ODF2: variants seen among roughly 807,000 people sequenced by gnomAD.
ODF2 encodes the protein outer dense fiber of sperm tails 2.
ODF2 carries 47 observed loss-of-function variants against 110.2 expected under a neutral mutation model. The observed-to-expected ratio is 0.43, with a 90% CI of 0.34 to 0.54. The LOEUF is 0.54. Ranked by LOEUF, ODF2 falls within the 20% of genes least tolerant of loss-of-function variation. The pLI, the probability that ODF2 is intolerant of heterozygous loss-of-function variation, is 0.03. For missense variants in ODF2, 812 were observed against 1,054.5 expected (o/e 0.77, Z 3.19); for synonymous variants, 352 against 397.7 (o/e 0.89, Z 1.37).
At chr9:128,489,438 C>G (rs1404342555) in intron 14 of ODF2, among the ~76,000 whole-genome samples, 1 of 152,210 alleles carries the variant, frequency 6.6e-6, no homozygotes, top group Non-Finnish European at 1.5e-5. Flanking sequence ...GTAAAGGTAA[C>G]TGCTAGCCCA....
At chr9:128,484,136 C>T (rs953561961) in intron 11 of ODF2, 82 bp downstream of exon 11, 6 of 996,754 alleles carry the variant, frequency 6.0e-6, no homozygotes, top group Non-Finnish European at 9.4e-6. Flanking sequence ...AGATATCACA[C>T]TCAGGAAGTG....
Position 128,494,738 on chromosome 9 carries a change from C to T in ODF2, c.1911+70C>T, listed in dbSNP as rs753700085. ...GGCCCGCATACCAAGATGAGCTGCA[C>T]GCCCCCCAAGGGAGGACTACTTCCT... On this transcript the variant is annotated intron_variant, in intron 17 of 20. Coordinates refer to ENST00000604420, the Ensembl canonical transcript of ODF2. The surrounding 1 kb of genome is among the most constrained non-coding windows in gnomAD (Gnocchi z 4.6). The T allele has an allele frequency of 4.3e-6, 7 of 1,613,800 alleles. No individual in the cohort carries two copies. The highest frequency in any genetic ancestry group is 1.1e-5 in the South Asian group (1 of 91,058).
chr9:128,492,076 A>G (rs1393153712), intron 14 of ODF2, among the ~76,000 whole-genome samples: 1 of 151,964 alleles, frequency 6.6e-6, no homozygotes, highest in East Asian at 1.9e-4. Flanking sequence ...TGTGTTAGCC[A>G]GGATGGTCTT....
chr9:128,461,099 C>T (rs1046991124), intron 4 of ODF2, 32 bp downstream of exon 4: 12 of 1,607,370 alleles, frequency 7.5e-6, no homozygotes, highest in Admixed American at 1.7e-5. Flanking sequence ...CTTTTCTTCT[C>T]GGACTGCTCA....
At position 128,474,496 on chromosome 9, in the gene ODF2, G is replaced by GA. The variant is rs1344171448; in HGVS notation, c.843+766dup. Among the ~76,000 whole-genome samples, 74 of 144,058 alleles carry GA rather than the reference G, an allele frequency of 5.1e-4. 1 individual carries two copies. In the East Asian group the frequency reaches 6.3e-3, roughly 12 times the overall value. The allele number at this position is 144,058 out of a possible 152,430, so 94.5% of individuals were successfully genotyped here. On this transcript the variant is annotated intron_variant, in intron 8 of 20. Transcript: ENST00000604420. ...CGACAGAGCGAGATTCCATCTTGGG[G>GA]AAAAAAAAAAATTAGTCAGCCAGGT...
chr9:128,486,877 G>GGGTGATAA (rs1252939258), intron 13 of ODF2, among the ~76,000 whole-genome samples: 1 of 152,184 alleles, frequency 6.6e-6, no homozygotes, highest in Admixed American at 6.5e-5. Context: ...AGGAATGCCT[G>GGGTGATAA]GGTGATAATC....
intron 2 of ODF2, among the ~76,000 whole-genome samples, chr9:128,457,982 T>C (rs1415765197): frequency 1.3e-5 from 2 of 151,484 alleles, no homozygotes; most frequent in East Asian, 1.9e-4. Flanking sequence ...CACGATGTAA[T>C]ACATATACAG....
At chr9:128,459,651 T>C in exon 3 of ODF2, 1 of 1,612,740 alleles carries the variant, frequency 6.2e-7, no homozygotes. Flanking sequence ...CCAGTGTAAC[T>C]GTGACGGTAG....
At chr9:128,495,675 A>G (rs1208294821) in intron 17 of ODF2, among the ~76,000 whole-genome samples, 2 of 152,208 alleles carry the variant, frequency 1.3e-5, no homozygotes, top group African/African-American at 4.8e-5. Context: ...TACCAGCAAC[A>G]TAACAGGTAA....
exon 8 of ODF2, chr9:128,473,623 C>T: frequency 6.2e-7 from 1 of 1,613,584 alleles, no homozygotes; most frequent in Non-Finnish European, 8.5e-7. Flanking sequence ...AAACAAATGA[C>T]CTGCACGGAC....
At chr9:128,461,666 G>A (rs544420634) in intron 4 of ODF2, among the ~76,000 whole-genome samples, 63 of 152,152 alleles carry the variant, frequency 4.1e-4, no homozygotes, top group South Asian at 3.7e-3. Context: ...TGATCCGCCC[G>A]CCTCGGCCTC....
At chr9:128,456,911 C>T (rs1292991022) in intron 1 of ODF2, 1 of 1,268,038 alleles carries the variant, frequency 7.9e-7, no homozygotes, top group Non-Finnish European at 1.0e-6. Flanking sequence ...TCTGTTCTTC[C>T]GTAACGCCCC....
At chr9:128,470,019 ATATATATATAT>A (rs1485352693) in intron 5 of ODF2, among the ~76,000 whole-genome samples, 1 of 11,732 alleles carries the variant, frequency 8.5e-5, no homozygotes, top group Non-Finnish European at 1.5e-4. Context: ...AAAAAAAAAA[ATATATATATAT>A]ATATATATAT....
At chr9:128,464,387 C>T (rs1214019454) in intron 4 of ODF2, among the ~76,000 whole-genome samples, 1 of 152,080 alleles carries the variant, frequency 6.6e-6, no homozygotes, top group Non-Finnish European at 1.5e-5. Context: ...AACTCTTGAC[C>T]TCGTGATCCG....
intron 18 of ODF2, among the ~76,000 whole-genome samples, chr9:128,497,250 A>AC (rs1845695547): frequency 6.7e-6 from 1 of 150,080 alleles, no homozygotes; most frequent in African/African-American, 2.5e-5. Flanking sequence ...CATGACTTAG[A>AC]CCCGTGACTG....
In ODF2 at chr9:128,478,544, G is replaced by A. The variant is rs562471807; in HGVS notation, c.844-3036G>A. Among the ~76,000 whole-genome samples, 16 of 151,106 alleles carry A rather than the reference G, an allele frequency of 1.1e-4. No individual in the cohort carries two copies. In the South Asian group the frequency reaches 3.4e-3, roughly 32 times the overall value. ...ACCCGGGAGGCAGAGGTTACAGTGA[G>A]CCAAGATCATGCCACTGCACTCCAG... On this transcript the variant is annotated intron_variant, in intron 8 of 20. Transcript: ENST00000604420.
intron 6 of ODF2, 38 bp from the exon 7 acceptor site, chr9:128,472,875 G>A (rs55815193): frequency 0.012 from 20,048 of 1,612,264 alleles, 156 homozygotes; most frequent in Middle Eastern, 0.035. Flanking sequence ...GCATGCGGGG[G>A]CCTGGGAGGG....
At chr9:128,475,076 A>G (rs955349510) in intron 8 of ODF2, among the ~76,000 whole-genome samples, 4 of 146,810 alleles carry the variant, frequency 2.7e-5, no homozygotes, top group Non-Finnish European at 6.0e-5. Flanking sequence ...AGATATTTGG[A>G]AAAAATTACA....
At chr9:128,497,037 C>A (rs959059482) in intron 18 of ODF2, among the ~76,000 whole-genome samples, 1 of 152,076 alleles carries the variant, frequency 6.6e-6, no homozygotes, top group Non-Finnish European at 1.5e-5. Context: ...TGATAATAAT[C>A]TTTTCATGGT....
Sources: allele counts gnomAD v4.1 joint callset (sites outside exome capture counted in the v4.1 genomes callset), GRCh38; gene constraint gnomAD v4.1.1; non-coding constraint Gnocchi (gnomAD v3.1); transcripts MANE v1.5; gene names NCBI Gene and HGNC (gene_info 2026-07-23, HGNC 2026-07-21).